TCF3: variants seen among roughly 807,000 people sequenced by gnomAD.
TCF3 encodes the protein transcription factor E2-alpha.
Under a neutral mutation model 72.3 loss-of-function variants are expected in TCF3, and 54 were observed. The observed-to-expected ratio is 0.75, with a 90% CI of 0.60 to 0.94. The LOEUF (loss-of-function observed/expected upper bound fraction) is 0.94. Among genes scored for constraint, TCF3 ranks in the 40% least tolerant of loss-of-function variants. The pLI is 0.00. For missense variants in TCF3, 1,078 were observed against 934.4 expected (o/e 1.15, Z -2.00); for synonymous variants, 525 against 412.6 (o/e 1.27, Z -3.30).
chr19:1,644,830 T>C (rs922246113), intron 3 of TCF3, among the ~76,000 whole-genome samples: 2 of 143,602 alleles, frequency 1.4e-5, no homozygotes, highest in East Asian at 2.4e-4. Flanking sequence ...CAGGCCCTGC[T>C]GTAAGCCCAC....
At chr19:1,642,942 C>A (rs184536554) in intron 3 of TCF3, among the ~76,000 whole-genome samples, 9 of 152,208 alleles carry the variant, frequency 5.9e-5, no homozygotes, top group African/African-American at 1.7e-4. Flanking sequence ...GTCACACTTA[C>A]AATCGCACGG....
intron 5 of TCF3, among the ~76,000 whole-genome samples, chr19:1,631,796 G>A (rs543722199): frequency 2.6e-5 from 4 of 152,326 alleles, no homozygotes; most frequent in Admixed American, 6.5e-5. Context: ...GGTCTGGAAC[G>A]GCCTCCCTGC....
At position 1,615,905 on chromosome 19, in the gene TCF3, T is replaced by C; in HGVS notation, c.1451-84A>G. ...CTTTGTGCTCCTGTGGTGAGGGACTTGGGCTTTCCTGGAAAAACCAGGTCT... is the reference window on the plus strand; with the variant it reads ...CTTTGTGCTCCTGTGGTGAGGGACTCGGGCTTTCCTGGAAAAACCAGGTCT... On this transcript the variant is annotated intron_variant, in intron 16 of 18. Transcript: ENST00000262965. The surrounding 1 kb of genome is among the most constrained non-coding windows in gnomAD (Gnocchi z 7.3). 2.1e-6 allele frequency: 3 copies of C among 1,445,282 alleles called. No individual in the cohort carries two copies. The highest frequency in any genetic ancestry group is 2.7e-6 in the Non-Finnish European group (3 of 1,097,894). 89.5% of individuals were successfully genotyped at this position (1,445,282 alleles called of 1,614,324 possible). A position where few individuals can be genotyped will look rare whatever the true frequency, so the allele number is the denominator to read the frequency against.
In TCF3 at chr19:1,610,778, G is replaced by C. The variant is rs1185616489; in HGVS notation, c.*929C>G. 1 of 232,252 alleles carries C rather than the reference G, an allele frequency of 4.3e-6. No homozygotes were observed. The highest frequency in any genetic ancestry group is 2.2e-5 in the African/African-American group (1 of 45,244). The allele number at this position is 232,252 out of a possible 1,614,324, so 14.4% of individuals were successfully genotyped here. ...CAGGTCAGTCCCCTTCCTGAGGGGA[G>C]AGGATGCGGCAGGGAAGCCCCAAGG... On this transcript the variant is annotated 3_prime_UTR_variant, in exon 19 of 19. Coordinates refer to ENST00000262965, the MANE Select transcript of TCF3 (RefSeq NM_003200.5).
Position 1,615,874 on chromosome 19 carries a change from A to T in TCF3, c.1451-53T>A. ...GCGTCGGCCTCCAGGGCCAACTGAC[A>T]TATCTCTTTGTGCTCCTGTGGTGAG... On this transcript the variant is annotated intron_variant, in intron 16 of 18. Coordinates refer to ENST00000262965, the MANE Select transcript of TCF3 (RefSeq NM_003200.5). The surrounding 1 kb of genome is among the most constrained non-coding windows in gnomAD (Gnocchi z 7.3). The T allele has an allele frequency of 6.7e-7, 1 of 1,495,308 alleles. No individual in the cohort carries two copies. The highest frequency in any genetic ancestry group is 8.9e-7 in the Non-Finnish European group (1 of 1,124,300). The allele number at this position is 1,495,308 out of a possible 1,614,324, so 92.6% of individuals were successfully genotyped here. A position where few individuals can be genotyped will look rare whatever the true frequency, so the allele number is the denominator to read the frequency against.
At chr19:1,638,082 T>C (rs769123798) in intron 3 of TCF3, among the ~76,000 whole-genome samples, 11 of 152,084 alleles carry the variant, frequency 7.2e-5, no homozygotes, top group Admixed American at 2.6e-4. Context: ...TGGAATGAAG[T>C]AGACAGTGAG....
intron 16 of TCF3, among the ~76,000 whole-genome samples, chr19:1,616,877 G>A (rs964415584): frequency 1.3e-5 from 2 of 152,180 alleles, no homozygotes; most frequent in Non-Finnish European, 2.9e-5. Flanking sequence ...ATTTGCCAAA[G>A]AATAGAAGAC....
chr19:1,632,934 C>T (rs1474401657), intron 3 of TCF3, among the ~76,000 whole-genome samples: 3 of 152,246 alleles, frequency 2.0e-5, no homozygotes, highest in Non-Finnish European at 4.4e-5. Flanking sequence ...TTTGCTGAAG[C>T]AGCAGCAGAG....
chr19:1,647,252 C>T (rs1319653985), intron 2 of TCF3, among the ~76,000 whole-genome samples: 1 of 152,226 alleles, frequency 6.6e-6, no homozygotes, highest in African/African-American at 2.4e-5. Context: ...GGCAACAAAC[C>T]CTTTTGCCAC....
intron 1 of TCF3, chr19:1,650,687 C>A (rs2066883835): frequency 4.2e-6 from 1 of 237,086 alleles, no homozygotes; most frequent in East Asian, 6.0e-5. Context: ...CCCCTACCCC[C>A]GGGAAAGGGA....
At chr19:1,618,142 CCCTT>C (rs2061741855) in intron 16 of TCF3, among the ~76,000 whole-genome samples, 1 of 152,100 alleles carries the variant, frequency 6.6e-6, no homozygotes, top group South Asian at 2.1e-4. Context: ...TTCCTTTGTC[CCCTT>C]CCTTACGGAG....
At chr19:1,642,606 A>T (rs190645220) in intron 3 of TCF3, among the ~76,000 whole-genome samples, 2 of 152,286 alleles carry the variant, frequency 1.3e-5, no homozygotes, top group South Asian at 2.1e-4. Context: ...GCCCTCTATT[A>T]AACAAGTGGC....
Position 1,611,606 on chromosome 19 carries a change from G to T in TCF3, c.*101C>A. On this transcript the variant is annotated 3_prime_UTR_variant, in exon 19 of 19. Coordinates refer to ENST00000262965, the MANE Select transcript of TCF3 (RefSeq NM_003200.5). Reference sequence around the variant, plus strand: ...TTGGCTCGATGCTGACAACAGGTGTGTGAGGTGTGGATGTGGATGAAGCCC... The same window carrying T: ...TTGGCTCGATGCTGACAACAGGTGTTTGAGGTGTGGATGTGGATGAAGCCC... The T allele has an allele frequency of 6.8e-7, 1 of 1,464,014 alleles. No individual in the cohort carries two copies. The highest frequency in any genetic ancestry group is 9.2e-7 in the Non-Finnish European group (1 of 1,087,396). The allele number at this position is 1,464,014 out of a possible 1,614,324, so 90.7% of individuals were successfully genotyped here. A position where few individuals can be genotyped will look rare whatever the true frequency, so the allele number is the denominator to read the frequency against.
chr19:1,635,939 C>T (rs2064337053), intron 3 of TCF3, among the ~76,000 whole-genome samples: 1 of 152,196 alleles, frequency 6.6e-6, no homozygotes, highest in South Asian at 2.1e-4. Flanking sequence ...CACTATGACC[C>T]CCCAAGCCCG....
chr19:1,617,170 G>A (rs2061633690), intron 16 of TCF3, among the ~76,000 whole-genome samples: 2 of 152,228 alleles, frequency 1.3e-5, no homozygotes, highest in Admixed American at 1.3e-4. Context: ...CAACTTGGCT[G>A]CTTTGGAAAA....
intron 2 of TCF3, among the ~76,000 whole-genome samples, chr19:1,647,027 C>T (rs1189233380): frequency 6.6e-6 from 1 of 152,156 alleles, no homozygotes; most frequent in African/African-American, 2.4e-5. Context: ...AGCCGAGGCT[C>T]AGACAGGCAG....
chr19:1,650,221 C>A lies in TCF3; in HGVS notation c.28G>T (p.Val10Leu). ...TCACTGAGCTCCTTGTCTGTGCCCA[C>A]AGGCGCCATCCTCTGCGGCTGGTTC... MNQPQRMAP[V>L]GTDKELSDLL... The change falls in exon 2 of 19, where the codon GTG becomes TTG. Residue 10 changes from valine to leucine, a missense_variant. Val to Leu is a conservative substitution (Grantham distance 32). Transcript: ENST00000262965. 1 of 1,571,940 alleles carries A rather than the reference C, an allele frequency of 6.4e-7. No homozygotes were observed. The highest frequency in any genetic ancestry group is 1.9e-5 in the Admixed American group (1 of 52,212).
intron 5 of TCF3, 112 bp downstream of exon 5, chr19:1,631,926 C>T: frequency 1.9e-6 from 3 of 1,544,540 alleles, no homozygotes; most frequent in Non-Finnish European, 2.6e-6. Flanking sequence ...TGTCCACACC[C>T]TCTGGGTGAA....
At position 1,632,042 on chromosome 19, in the gene TCF3, G is replaced by A. The variant is rs766811436; in HGVS notation, c.294C>T (p.Leu98=). ...LSSSTFLGPG[L]GGKSGERGAY... is the part of the protein sequence containing the mutation. The stretch of plus-strand genomic sequence containing the variant: ...CGCACCAGGCCAGGCACTCACCTCC[G>A]AGTCCCGGTCCCAGGAATGTGGATG... Residue 98 remains leucine (L), a synonymous_variant, in exon 5 of 19, where the codon CTC becomes CTT. Transcript: ENST00000262965. 3.0e-5 allele frequency: 49 copies of A among 1,612,878 alleles called. No individual in the cohort carries two copies. In the East Asian group the frequency reaches 8.0e-4, roughly 26 times the overall value.
Sources: gnomAD v4.1 joint callset for allele counts (sites outside exome capture counted in the v4.1 genomes callset) on GRCh38, gnomAD v4.1.1 for gene constraint, Gnocchi (gnomAD v3.1) non-coding constraint, MANE v1.5 for transcripts, NCBI Gene and HGNC (gene_info 2026-07-23, HGNC 2026-07-21) for gene names.